The following APCDD1 variants were observed in gnomAD, a reference collection of about 807,000 sequenced individuals.
The protein encoded by APCDD1 is APC down-regulated 1.
Under a neutral mutation model 38.1 loss-of-function variants are expected in APCDD1, and 15 were observed. That is an observed-to-expected ratio of 0.39 (90% CI 0.26 to 0.61). The LOEUF is 0.61. APCDD1 is among the 20% of genes least tolerant of loss of function. The pLI is 0.49. For synonymous variants in APCDD1, 261 were observed against 279.7 expected (o/e 0.93, Z 0.67); for missense variants, 647 against 696.2 (o/e 0.93, Z 0.79).
At chr18:10,487,207 G>A (rs1321975283) in intron 4 of APCDD1, among the ~76,000 whole-genome samples, 1 of 152,216 alleles carries the variant, frequency 6.6e-6, no homozygotes, top group Non-Finnish European at 1.5e-5. Flanking sequence ...TCCAGCCTTT[G>A]TTGAATATTT....
At chr18:10,481,948 C>T (rs1430493424) in intron 3 of APCDD1, among the ~76,000 whole-genome samples, 1 of 152,272 alleles carries the variant, frequency 6.6e-6, no homozygotes, top group Non-Finnish European at 1.5e-5. Context: ...GTCCTCGTCT[C>T]GGAGCTCAGG....
rs188803548 is a variant in APCDD1, at chr18:10,484,737, C to T, written c.775-725C>T. ...TCCCCAAGGTTCATCCCTATTGTAG[C>T]GGGTGTCAGAACTTCCTGCCTTCCT... On this transcript the variant is annotated intron_variant, in intron 3 of 4. Coordinates refer to ENST00000355285, the MANE Select transcript of APCDD1 (RefSeq NM_153000.5). 2.4e-3 allele frequency among the ~76,000 whole-genome samples: 358 copies of T among 152,296 alleles called. 1 individual carries two copies. Among genetic ancestry groups the T allele is most frequent in the Non-Finnish European group, 3.1e-3 (210 of 68,024 alleles).
chr18:10,460,297 G>A lies in APCDD1; in HGVS notation c.58+5258G>A, dbSNP rs879738662. Among the ~76,000 whole-genome samples the A allele has an allele frequency of 4.7e-4, 71 of 152,264 alleles. 1 individual carries two copies. The highest frequency in any genetic ancestry group is 1.2e-3 in the African/African-American group (50 of 41,554). On this transcript the variant is annotated intron_variant, in intron 1 of 4. Coordinates refer to ENST00000355285, the MANE Select transcript of APCDD1 (RefSeq NM_153000.5). ...AGGGCCTCCTTTGGGAGGCCAAGGC[G>A]GGCAGATCACCTGCGGTCAGGAGTT...
chr18:10,487,272 C>G (rs374407479), intron 4 of APCDD1, among the ~76,000 whole-genome samples: 3 of 152,184 alleles, frequency 2.0e-5, no homozygotes, highest in Admixed American at 6.5e-5. Context: ...AGGAGCACTC[C>G]GAGCTGTAGT....
At position 10,487,793 on chromosome 18, in the gene APCDD1, C is replaced by T. The variant is rs758081145; in HGVS notation, c.1300C>T (p.Arg434Cys). 9.3e-6 allele frequency: 15 copies of T among 1,614,090 alleles called. No homozygotes were observed. The highest frequency in any genetic ancestry group is 6.7e-5 in the Admixed American group (4 of 60,022). Residue 434 changes from arginine to cysteine, a missense_variant, in exon 5 of 5, where the codon CGC becomes TGC. Arg to Cys is a radical substitution (Grantham distance 180, BLOSUM62 -3). Coordinates refer to ENST00000355285, the MANE Select transcript of APCDD1 (RefSeq NM_153000.5). ...CAAAATGGAACAGGATGCCCGGGGG[C>T]GCTATCTGCTGTTCAACGGTCAGAG... is the stretch of plus-strand genomic sequence containing the variant. ...IFKMEQDARG[R>C]YLLFNGQRPS...
At chr18:10,464,349 C>CA (rs113345524) in intron 1 of APCDD1, among the ~76,000 whole-genome samples, 4,891 of 149,242 alleles carry the variant, frequency 0.033, 278 homozygotes, top group African/African-American at 0.12. Context: ...CACACAGACA[C>CA]ACACACACAA....
rs1482797014 is a variant in APCDD1, at chr18:10,489,774, AC to A, written c.*1738del. ...TTAAGTTACAACGACCACATAGAGT[AC>A]CAAAGTGCTTCAGGTTATATTTTAA... On this transcript the variant is annotated 3_prime_UTR_variant, in exon 5 of 5. Coordinates refer to ENST00000355285, the MANE Select transcript of APCDD1 (RefSeq NM_153000.5). 2 of 152,156 alleles carry A rather than the reference AC, an allele frequency of 1.3e-5. No individual in the cohort carries two copies. Among genetic ancestry groups the A allele is most frequent in the Non-Finnish European group, 2.9e-5 (2 of 68,030 alleles). 9.4% of individuals were successfully genotyped at this position (152,156 alleles called of 1,614,324 possible).
chr18:10,461,672 A>T (rs1218433857), intron 1 of APCDD1, among the ~76,000 whole-genome samples: 1 of 152,252 alleles, frequency 6.6e-6, no homozygotes, highest in Non-Finnish European at 1.5e-5. Flanking sequence ...AAAGAAAGGC[A>T]TATATTAGAT....
Position 10,472,128 on chromosome 18 carries a change from AT to A in APCDD1, c.774+68del. On this transcript the variant is annotated intron_variant, in intron 3 of 4. Coordinates refer to ENST00000355285, the MANE Select transcript of APCDD1 (RefSeq NM_153000.5). This position sits in a 1 kb window ranked among gnomAD's most constrained non-coding sequence, Gnocchi z 6.6. ...GGGTGATCCTTCTTAAAGGCTTGCCATGGGGGCTCTAGGGCACCCTTGAAAG... is the reference window on the plus strand; with the variant it reads ...GGGTGATCCTTCTTAAAGGCTTGCCAGGGGGCTCTAGGGCACCCTTGAAAG... The A allele has an allele frequency of 1.2e-6, 2 of 1,604,308 alleles. No individual in the cohort carries two copies. Among genetic ancestry groups the A allele is most frequent in the Non-Finnish European group, 8.5e-7 (1 of 1,174,784 alleles).
At chr18:10,455,110 G>A in intron 1 of APCDD1, 71 bp downstream of exon 1, 1 of 1,540,446 alleles carries the variant, frequency 6.5e-7, no homozygotes, top group Non-Finnish European at 8.8e-7. Context: ...AGCCCGCGGA[G>A]GCGTCGGGTC....
At chr18:10,455,182 C>T (rs1029590616) in intron 1 of APCDD1, 143 bp downstream of exon 1, 4 of 1,375,326 alleles carry the variant, frequency 2.9e-6, no homozygotes, top group African/African-American at 1.5e-5. Context: ...AGCCCCGCGC[C>T]TGCCGTCTCA....
Position 10,470,935 on chromosome 18 carries a change from C to G in APCDD1, c.243-595C>G, listed in dbSNP as rs2030836674. ...TGCTTTTAGTTAATTGCCCCCTTTA[C>G]TTTTCTACTAGAGAGAAAATTAATT... is the stretch of plus-strand genomic sequence containing the variant. On this transcript the variant is annotated intron_variant, in intron 2 of 4. Coordinates refer to ENST00000355285, the MANE Select transcript of APCDD1 (RefSeq NM_153000.5). This position sits in a 1 kb window ranked among gnomAD's most constrained non-coding sequence, Gnocchi z 4.1. Among the ~76,000 whole-genome samples the G allele has an allele frequency of 6.6e-6, 1 of 152,204 alleles. No homozygotes were observed. The highest frequency in any genetic ancestry group is 2.1e-4 in the South Asian group (1 of 4,832).
intron 1 of APCDD1, among the ~76,000 whole-genome samples, chr18:10,465,759 C>T (rs761945240): frequency 2.6e-5 from 4 of 152,154 alleles, no homozygotes; most frequent in Admixed American, 6.5e-5. Context: ...AAGTGATTCA[C>T]GGGTATCTCG....
rs145563866 is a variant in APCDD1, at chr18:10,487,885, C to T, written c.1392C>T (p.Val464=). Residue 464 remains valine, a synonymous_variant, in exon 5 of 5, where the codon GTC becomes GTT. Transcript: ENST00000355285. ...CCACGTCCTACCAGATGCCCTTGGT[C>T]CAGTGTGCCTCCTCTTCGCCGAGGG... ...KRATSYQMPL[V]QCASSSPRAE... The T allele has an allele frequency of 1.1e-5, 17 of 1,613,458 alleles. No individual in the cohort carries two copies. Among genetic ancestry groups the T allele is most frequent in the Non-Finnish European group, 1.4e-5 (17 of 1,179,844 alleles).
At chr18:10,474,795 C>G (rs888297521) in intron 3 of APCDD1, among the ~76,000 whole-genome samples, 2 of 152,230 alleles carry the variant, frequency 1.3e-5, no homozygotes, top group Non-Finnish European at 2.9e-5. Flanking sequence ...CAATGTCCCT[C>G]TGCAGACCTG....
At position 10,467,735 on chromosome 18, in the gene APCDD1, A is replaced by C. The variant is rs2030750406; in HGVS notation, c.59-734A>C. 6.6e-6 allele frequency among the ~76,000 whole-genome samples: 1 copy of C among 151,644 alleles called. No homozygotes were observed. The highest frequency in any genetic ancestry group is 2.1e-4 in the South Asian group (1 of 4,818). On this transcript the variant is annotated intron_variant, in intron 1 of 4. Coordinates refer to ENST00000355285, the MANE Select transcript of APCDD1 (RefSeq NM_153000.5). This position sits in a 1 kb window ranked among gnomAD's most constrained non-coding sequence, Gnocchi z 4.8. ...TGTGAGGGTGAGGGGCTGGACTTGG[A>C]AGATAATTGGGGGGGAAATGTCACA...
chr18:10,460,718 A>G (rs1425209343), intron 1 of APCDD1, among the ~76,000 whole-genome samples: 1 of 152,176 alleles, frequency 6.6e-6, no homozygotes, highest in Non-Finnish European at 1.5e-5. Flanking sequence ...TTGACTTGCA[A>G]AAGTCCAGCA....
At chr18:10,459,057 T>G (rs1451240208) in intron 1 of APCDD1, among the ~76,000 whole-genome samples, 1 of 152,232 alleles carries the variant, frequency 6.6e-6, no homozygotes, top group African/African-American at 2.4e-5. Flanking sequence ...GGATATTCTG[T>G]TCTGCAAGGG....
intron 3 of APCDD1, among the ~76,000 whole-genome samples, chr18:10,479,587 C>T (rs1261384563): frequency 6.6e-6 from 1 of 152,198 alleles, no homozygotes; most frequent in South Asian, 2.1e-4. Flanking sequence ...CTGTTCTCTG[C>T]AGCCTGAGGC....
Sources: allele counts gnomAD v4.1 joint callset (sites outside exome capture counted in the v4.1 genomes callset), GRCh38; gene constraint gnomAD v4.1.1; non-coding constraint Gnocchi (gnomAD v3.1); transcripts MANE v1.5; gene names NCBI Gene and HGNC (gene_info 2026-07-23, HGNC 2026-07-21).